The following LHFPL6 variants were observed in gnomAD, a reference collection of about 807,000 sequenced individuals.
LHFPL6 encodes LHFPL tetraspan subfamily member 6.
A neutral mutation model predicts 20.6 loss-of-function variants in LHFPL6; 9 were observed. The observed-to-expected ratio is 0.44, with a 90% confidence interval of 0.26 to 0.76. The LOEUF is 0.76. Ranked by LOEUF, LHFPL6 falls within the 30% of genes least tolerant of loss-of-function variation. LHFPL6 has a pLI of 0.20. For synonymous variants in LHFPL6, 105 were observed against 98.7 expected (o/e 1.06, Z -0.38); for missense variants, 218 against 253.5 (o/e 0.86, Z 0.95).
intron 3 of LHFPL6, among the ~76,000 whole-genome samples, chr13:39,376,573 A>AT (rs1163676259): frequency 1.3e-5 from 2 of 152,204 alleles, no homozygotes; most frequent in Admixed American, 6.5e-5. Flanking sequence ...AAATTGCTTC[A>AT]TTTTTTCATT....
At chr13:39,596,593 A>G (rs1239658215) in intron 2 of LHFPL6, among the ~76,000 whole-genome samples, 1 of 152,028 alleles carries the variant, frequency 6.6e-6, no homozygotes, top group Non-Finnish European at 1.5e-5. Flanking sequence ...ACCTTCTATC[A>G]TAGGTTAGAG....
chr13:39,441,402 A>G (rs1277656322), intron 2 of LHFPL6, among the ~76,000 whole-genome samples: 1 of 152,048 alleles, frequency 6.6e-6, no homozygotes, highest in East Asian at 1.9e-4. Context: ...CTGGGGCAGC[A>G]ATTTGTAGGA....
intron 2 of LHFPL6, among the ~76,000 whole-genome samples, chr13:39,461,175 T>G (rs1321680643): frequency 1.3e-5 from 2 of 152,156 alleles, no homozygotes; most frequent in African/African-American, 4.8e-5. Context: ...ATCTTGTCGT[T>G]TTTATGGCTG....
intron 2 of LHFPL6, among the ~76,000 whole-genome samples, chr13:39,450,039 T>A (rs1036779075): frequency 3.9e-5 from 6 of 152,194 alleles, no homozygotes; most frequent in African/African-American, 1.2e-4. Context: ...CTTTGCTCTG[T>A]CTTGGAGGAG....
At chr13:39,546,212 C>T (rs1000026706) in intron 2 of LHFPL6, among the ~76,000 whole-genome samples, 2 of 152,060 alleles carry the variant, frequency 1.3e-5, no homozygotes, top group Non-Finnish European at 2.9e-5. Context: ...GGCCAGATGA[C>T]CTAGCTAGTA....
intron 2 of LHFPL6, among the ~76,000 whole-genome samples, chr13:39,532,946 C>T (rs1165162242): frequency 6.6e-6 from 1 of 152,168 alleles, no homozygotes; most frequent in South Asian, 2.1e-4. Flanking sequence ...AATCATCTCC[C>T]ACACCTTTTT....
chr13:39,479,038 GATAGATAGATAGAT>G (rs1868407318), intron 2 of LHFPL6, among the ~76,000 whole-genome samples: 2 of 99,148 alleles, frequency 2.0e-5, no homozygotes, highest in Admixed American at 1.9e-4. Context: ...GATAGATATA[GATAGATAGATAGAT>G]AGATAGATAG....
At chr13:39,349,909 T>G (rs780444788) in intron 3 of LHFPL6, among the ~76,000 whole-genome samples, 5 of 152,180 alleles carry the variant, frequency 3.3e-5, no homozygotes, top group Non-Finnish European at 5.9e-5. Context: ...GGATCCCATT[T>G]TGGGTGTAAA....
intron 2 of LHFPL6, among the ~76,000 whole-genome samples, chr13:39,459,091 T>C (rs1166596942): frequency 1.3e-5 from 2 of 152,080 alleles, no homozygotes; most frequent in Non-Finnish European, 2.9e-5. Flanking sequence ...GCCCATGAAA[T>C]GACTTCCCAC....
chr13:39,392,318 G>T (rs1233238252), intron 2 of LHFPL6, among the ~76,000 whole-genome samples: 1 of 152,180 alleles, frequency 6.6e-6, no homozygotes, highest in Non-Finnish European at 1.5e-5. Context: ...AAAGTGGCCG[G>T]GCGCGGTGGC....
intron 3 of LHFPL6, among the ~76,000 whole-genome samples, chr13:39,376,200 A>G (rs1193055878): frequency 6.6e-6 from 1 of 152,200 alleles, no homozygotes. Flanking sequence ...ACACAGGATC[A>G]TGATCAAGTT....
At chr13:39,529,821 T>C (rs775484995) in intron 2 of LHFPL6, among the ~76,000 whole-genome samples, 2 of 152,178 alleles carry the variant, frequency 1.3e-5, no homozygotes, top group East Asian at 3.9e-4. Flanking sequence ...CTTGCATTTA[T>C]AATCCAAAAG....
At chr13:39,592,183 C>T (rs1469420621) in intron 2 of LHFPL6, among the ~76,000 whole-genome samples, 1 of 151,776 alleles carries the variant, frequency 6.6e-6, no homozygotes, top group Non-Finnish European at 1.5e-5. Context: ...AAAAATCTTT[C>T]CCACGTTAAG....
At chr13:39,502,592 G>C (rs190200336) in intron 2 of LHFPL6, among the ~76,000 whole-genome samples, 1 of 152,276 alleles carries the variant, frequency 6.6e-6, no homozygotes, top group Admixed American at 6.5e-5. Context: ...CTGCACTCCA[G>C]TCAGAGCAAG....
At chr13:39,378,554 T>C (rs1016303432) in intron 2 of LHFPL6, 28 bp from the exon 3 acceptor site, 10 of 1,533,088 alleles carry the variant, frequency 6.5e-6, no homozygotes, top group East Asian at 4.5e-5. Context: ...AAGAGGGCTT[T>C]ACCAGTGCTT....
intron 2 of LHFPL6, among the ~76,000 whole-genome samples, chr13:39,410,103 GTCTACCTACCT>G (rs1247013925): frequency 2.0e-5 from 3 of 152,150 alleles, no homozygotes; most frequent in African/African-American, 7.2e-5. Flanking sequence ...TGTTAAAATT[GTCTACCTACCT>G]TCATTATACA....
chr13:39,463,526 T>C (rs1007604421), intron 2 of LHFPL6, among the ~76,000 whole-genome samples: 10 of 152,294 alleles, frequency 6.6e-5, no homozygotes, highest in African/African-American at 2.4e-4. Flanking sequence ...ATGTATATCT[T>C]GCATACAAAG....
intron 2 of LHFPL6, among the ~76,000 whole-genome samples, chr13:39,596,507 A>G (rs1872775286): frequency 6.6e-6 from 1 of 152,162 alleles, no homozygotes; most frequent in African/African-American, 2.4e-5. Flanking sequence ...CCGTGTTTTA[A>G]AAGGTCCCAC....
intron 2 of LHFPL6, among the ~76,000 whole-genome samples, chr13:39,394,908 G>A (rs1334135057): frequency 6.6e-6 from 1 of 152,188 alleles, no homozygotes. Flanking sequence ...ACACAGAAAA[G>A]AAGAAAGTAC....
Sources: allele counts gnomAD v4.1 joint callset (sites outside exome capture counted in the v4.1 genomes callset), GRCh38; gene constraint gnomAD v4.1.1; transcripts MANE v1.5; gene names NCBI Gene and HGNC (gene_info 2026-07-23, HGNC 2026-07-21).